Variants in POLD1 observed in about 807,000 individuals in gnomAD.
POLD1 encodes the protein DNA polymerase delta 1, catalytic subunit.
In POLD1, 79 loss-of-function variants were observed where a neutral mutation model predicts 129.7. That is an observed-to-expected ratio of 0.61 (90% CI 0.51 to 0.73). POLD1 has a LOEUF of 0.73. Ranked by LOEUF, POLD1 falls within the 30% of genes least tolerant of loss-of-function variation. POLD1 has a pLI of 0.00. For synonymous variants in POLD1, 714 were observed against 683.3 expected, an observed-to-expected ratio of 1.04 and a Z score of -0.70; for missense variants, 1,338 against 1,595.8, an observed-to-expected ratio of 0.84 and a Z score of 2.75.
rs1198011574 is a variant in POLD1 at position 50,403,585 on chromosome 19, C to T, written c.1230C>T (p.Ala410=). The change falls in exon 10 of 27, where the codon GCC becomes GCT. Residue 410 remains alanine (A), a synonymous_variant. Transcript: ENST00000440232. ...NFDLPYLISR[A]QTLKVQTFPF... ...ACCTTCCGTACCTCATCTCTCGGGC[C>T]CAGACCCTCAAGGTGAGGGCTGGGC... 6.2e-7 allele frequency: 1 copy of T among 1,611,448 alleles called. No individual in the cohort carries two copies. The highest frequency in any genetic ancestry group is 1.3e-5 in the African/African-American group (1 of 74,864).
At chr19:50,415,667 G>GCCCCCCCCCCCCCCCCCCCCCCCCCCC in intron 21 of POLD1, 57 bp from the exon 22 acceptor site, 4 of 1,462,182 alleles carry the variant, frequency 2.7e-6, no homozygotes, top group Non-Finnish European at 2.8e-6. Context: ...CTACACCCTC[G>GCCCCCCCCCCCCCCCCCCCCCCCCCCC]CCCCCACCCC....
intron 1 of POLD1, among the ~76,000 whole-genome samples, chr19:50,396,612 G>A (rs1217885944): frequency 2.0e-5 from 3 of 151,344 alleles, no homozygotes; most frequent in East Asian, 2.0e-4. Flanking sequence ...TGAGTAGCTG[G>A]GACTACAGGC....
At chr19:50,385,971 A>C (rs1011910312) in intron 1 of POLD1, among the ~76,000 whole-genome samples, 5 of 151,812 alleles carry the variant, frequency 3.3e-5, no homozygotes, top group Non-Finnish European at 7.4e-5. Context: ...AGCACTGGGG[A>C]GCCAATGATC....
At chr19:50,403,843 C>G (rs996908851) in intron 10 of POLD1, among the ~76,000 whole-genome samples, 1 of 151,610 alleles carries the variant, frequency 6.6e-6, no homozygotes, top group Non-Finnish European at 1.5e-5. Context: ...CATTCAAGGT[C>G]GGCCTGAAGC....
intron 1 of POLD1, among the ~76,000 whole-genome samples, chr19:50,392,933 C>T (rs2038222109): frequency 6.6e-6 from 1 of 152,264 alleles, no homozygotes. Context: ...CAAAGAGCTT[C>T]CTCATTCCTT....
chr19:50,394,593 T>G (rs984443512), intron 1 of POLD1, among the ~76,000 whole-genome samples: 2 of 151,768 alleles, frequency 1.3e-5, no homozygotes, highest in African/African-American at 4.8e-5. Flanking sequence ...AGGCGAAGGT[T>G]GCAGTGAGCC....
In POLD1 at chr19:50,402,544, C is replaced by T. The variant is rs2122252391; in HGVS notation, c.840+9C>T. The T allele has an allele frequency of 1.9e-6, 3 of 1,588,586 alleles. No individual in the cohort carries two copies. The highest frequency in any genetic ancestry group is 2.6e-6 in the Non-Finnish European group (3 of 1,167,740). On this transcript the variant is annotated intron_variant, in intron 7 of 26. Transcript: ENST00000440232. ...TGAGGCTGAAGGAGAAGGTGCAGGG[C>T]TTCCCAGGGCAGGGCTGGGTGGGGA...
intron 1 of POLD1, among the ~76,000 whole-genome samples, chr19:50,393,265 C>G (rs1386969880): frequency 6.6e-6 from 1 of 152,190 alleles, no homozygotes. Flanking sequence ...CTCTCCTACC[C>G]TAGGAGCAGC....
chr19:50,385,776 G>A (rs1230785458), intron 1 of POLD1, among the ~76,000 whole-genome samples: 1 of 152,024 alleles, frequency 6.6e-6, no homozygotes, highest in Non-Finnish European at 1.5e-5. Context: ...TGATCCACTT[G>A]CCTCGGCCTC....
intron 1 of POLD1, among the ~76,000 whole-genome samples, 180 bp downstream of exon 1, chr19:50,384,570 C>T (rs1053779996): frequency 6.8e-6 from 1 of 147,764 alleles, no homozygotes; most frequent in African/African-American, 2.5e-5. Flanking sequence ...CAGGAAAAGG[C>T]CGGGGTGGGG....
At chr19:50,401,298 TTAA>T (rs1242862500) in intron 3 of POLD1, among the ~76,000 whole-genome samples, 1 of 146,002 alleles carries the variant, frequency 6.8e-6, no homozygotes, top group Non-Finnish European at 1.5e-5. Context: ...ATATTATATA[TTAA>T]TATATTTTGT....
In POLD1 at chr19:50,402,055, C is replaced by A; in HGVS notation, c.520C>A (p.Arg174=). 6.2e-7 allele frequency: 1 copy of A among 1,614,042 alleles called. No homozygotes were observed. ...ACGGGAGCTGAACTTGGCCATCAGC[C>A]GGGACAGTCGCGGGGGGAGGGAGCT... ...LQRELNLAIS[R]DSRGGRELTG... Residue 174 remains arginine (R), a synonymous_variant, in exon 5 of 27, where the codon CGG becomes AGG. Coordinates refer to ENST00000440232, the MANE Select transcript of POLD1 (RefSeq NM_002691.4).
intron 19 of POLD1, 109 bp downstream of exon 19, chr19:50,413,988 T>C (rs2039186707): frequency 1.7e-6 from 2 of 1,173,122 alleles, no homozygotes; most frequent in Non-Finnish European, 2.3e-6. Flanking sequence ...TGTTGCTGCT[T>C]AGATTCTCCT....
intron 1 of POLD1, 81 bp from the exon 2 acceptor site, chr19:50,398,770 G>A (rs1220530576): frequency 9.1e-6 from 14 of 1,541,190 alleles, no homozygotes; most frequent in African/African-American, 2.7e-5. Flanking sequence ...CGTGGTCATG[G>A]TGGGTGCATG....
Position 50,414,726 on chromosome 19 carries a change from A to T in POLD1, c.2389-89A>T, listed in dbSNP as rs983352103. The T allele has an allele frequency of 6.3e-6, 7 of 1,102,788 alleles. No homozygotes were observed. The African/African-American group carries it at 8.1e-5, about 13-fold the overall frequency. 68.3% of individuals were successfully genotyped at this position (1,102,788 alleles called of 1,614,324 possible). A position where few individuals can be genotyped will look rare whatever the true frequency, so the allele number is the denominator to read the frequency against. ...CCCATGTCCTCAAACTGCGTCTGGGACCCTGTCTACCTTCAGTTTCTGGGG... is the reference window on the plus strand; with the variant it reads ...CCCATGTCCTCAAACTGCGTCTGGGTCCCTGTCTACCTTCAGTTTCTGGGG... On this transcript the variant is annotated intron_variant, in intron 19 of 26. Coordinates refer to ENST00000440232, the MANE Select transcript of POLD1 (RefSeq NM_002691.4).
chr19:50,402,058 G>C lies in POLD1; in HGVS notation c.523G>C (p.Asp175His), dbSNP rs1601199588. The C allele has an allele frequency of 1.9e-6, 3 of 1,613,966 alleles. No homozygotes were observed. Among genetic ancestry groups the C allele is most frequent in the Non-Finnish European group, 2.5e-6 (3 of 1,179,990 alleles). ...QRELNLAISR[D>H]SRGGRELTGP... ...GGAGCTGAACTTGGCCATCAGCCGG[G>C]ACAGTCGCGGGGGGAGGGAGCTGAC... Residue 175 changes from aspartate to histidine, a missense_variant, in exon 5 of 27, where the codon GAC becomes CAC. Physicochemically the swap from Asp to His is moderately conservative, Grantham distance 81. Around this residue, in one of 3 missense-constraint regions of POLD1, gnomAD observed 332 missense variants for 315.7 expected, o/e 1.05. Coordinates refer to ENST00000440232, the MANE Select transcript of POLD1 (RefSeq NM_002691.4).
chr19:50,388,005 C>G (rs1415396513), intron 1 of POLD1, among the ~76,000 whole-genome samples: 2 of 152,226 alleles, frequency 1.3e-5, no homozygotes, highest in Non-Finnish European at 2.9e-5. Flanking sequence ...AAAAGGGACA[C>G]AGCACTGACG....
chr19:50,403,731 GGGCAGCCTA>G (rs1179308423), intron 10 of POLD1, 134 bp downstream of exon 10: 23 of 686,092 alleles, frequency 3.4e-5, no homozygotes, highest in Non-Finnish European at 5.0e-5. Context: ...TTGCCTGCAG[GGGCAGCCTA>G]GGCCTGGTCC....
At chr19:50,407,517 AG>A (rs2038939322) in intron 14 of POLD1, 102 bp downstream of exon 14, 3 of 553,002 alleles carry the variant, frequency 5.4e-6, no homozygotes, top group East Asian at 6.8e-5. Flanking sequence ...AGGGCAACAT[AG>A]CGAGGCCCCT....
Sources: gnomAD v4.1 joint callset for allele counts (sites outside exome capture counted in the v4.1 genomes callset) on GRCh38, gnomAD v4.1.1 for gene constraint, gnomAD v4.1.1 regional missense constraint, MANE v1.5 for transcripts, NCBI Gene and HGNC (gene_info 2026-07-23, HGNC 2026-07-21) for gene names.